Variants in LTBP4 observed in about 807,000 individuals in gnomAD.
LTBP4 encodes latent-transforming growth factor beta-binding protein 4.
A neutral mutation model predicts 180.2 loss-of-function variants in LTBP4; 93 were observed. The ratio of observed to expected loss-of-function variants is 0.52; its 90% CI spans 0.44 to 0.61. LTBP4 has a LOEUF of 0.61. Ranked by LOEUF, LTBP4 falls within the 20% of genes least tolerant of loss-of-function variation. The pLI is 0.00. For synonymous variants in LTBP4, 947 were observed against 934.5 expected (o/e 1.01, Z -0.24); for missense variants, 2,116 against 2,256.5 (o/e 0.94, Z 1.26).
chr19:40,609,891 C>A lies in LTBP4; in HGVS notation c.1684+20C>A. 1 of 1,511,458 alleles carries A rather than the reference C, an allele frequency of 6.6e-7. No homozygotes were observed. Among genetic ancestry groups the A allele is most frequent in the South Asian group, 1.3e-5 (1 of 78,086 alleles). 93.6% of individuals were successfully genotyped at this position (1,511,458 alleles called of 1,614,324 possible). A position where few individuals can be genotyped will look rare whatever the true frequency, so the allele number is the denominator to read the frequency against. On this transcript the variant is annotated intron_variant, in intron 11 of 29. Coordinates refer to ENST00000396819, the MANE Select transcript of LTBP4 (RefSeq NM_001042545.2). This position sits in a 1 kb window ranked among gnomAD's most constrained non-coding sequence, Gnocchi z 4.9. ...GCCTGGGTGAGAAATTTGCCCCACC[C>A]GGCTCCAGGCCCACCCCAGGGTCTC...
In LTBP4 at chr19:40,609,844, G is replaced by T; in HGVS notation, c.1657G>T (p.Ala553Ser). ...CTGCGTGTGCGGCCCGGGCTTCCGAGCCGGCCCACGGGCTGCGGAATGCCT... is the reference window on the plus strand; with the variant it reads ...CTGCGTGTGCGGCCCGGGCTTCCGATCCGGCCCACGGGCTGCGGAATGCCT... Reference protein sequence around the residue: ...FRCVCGPGFRAGPRAAECLDV... With the variant: ...FRCVCGPGFRSGPRAAECLDV... Residue 553 changes from alanine to serine, a missense_variant, in exon 11 of 30, where the codon GCC becomes TCC. Coordinates refer to ENST00000396819, the MANE Select transcript of LTBP4 (RefSeq NM_001042545.2). The surrounding 1 kb of genome is among the most constrained non-coding windows in gnomAD (Gnocchi z 4.9). 6.3e-7 allele frequency: 1 copy of T among 1,596,370 alleles called. No homozygotes were observed.
At chr19:40,599,087 C>T (rs142974711), upstream of LTBP4, 13 of 942,102 alleles carry the variant, frequency 1.4e-5, no homozygotes, top group Non-Finnish European at 1.7e-5. Context: ...AGTCATATAC[C>T]TGTTTCAAGC....
At position 40,601,474 on chromosome 19, in the gene LTBP4, A is replaced by G. The variant is rs1186148066; in HGVS notation, c.87A>G (p.Gly29=). 4.2e-5 allele frequency: 63 copies of G among 1,492,566 alleles called. No homozygotes were observed. The highest frequency in any genetic ancestry group is 5.5e-5 in the Non-Finnish European group (62 of 1,127,726). 92.5% of individuals were successfully genotyped at this position (1,492,566 alleles called of 1,614,324 possible). A position where few individuals can be genotyped will look rare whatever the true frequency, so the allele number is the denominator to read the frequency against. ...CGCAGCCTGGACTGGGCCGGCTCGG[A>G]GAGCGTCTCCGCGTGCGCTTCACCC... The part of the protein sequence containing the change: ...LGPQPGLGRL[G]ERLRVRFTPV... The change falls in exon 1 of 30, where the codon GGA becomes GGG. Residue 29 remains glycine (G), a synonymous_variant. Coordinates refer to ENST00000396819, the MANE Select transcript of LTBP4 (RefSeq NM_001042545.2).
chr19:40,623,794 C>A, intron 25 of LTBP4, 62 bp downstream of exon 25: 1 of 1,604,512 alleles, frequency 6.2e-7, no homozygotes, highest in Non-Finnish European at 8.5e-7. Flanking sequence ...TTGCCAGCTC[C>A]CCTCTGGAAT....
At position 40,606,524 on chromosome 19, in the gene LTBP4, T is replaced by C. The variant is rs1454002982; in HGVS notation, c.989T>C (p.Ile330Thr). ...CTCGACTCGTCCCGCAGCAGCTGCA[T>C]CTGTGAGCAACCAGCAGGGAGCTGA... The part of the protein sequence containing the change: ...FLLDSSRSSC[I>T]SQHVISEAKG... Residue 330 changes from isoleucine (I) to threonine (T), a missense_variant and splice_region_variant, in exon 6 of 30, where the codon ATC becomes ACC. This residue lies in a region of LTBP4 where 469 missense variants were observed against 532.5 expected (regional missense o/e 0.88). Coordinates refer to ENST00000396819, the MANE Select transcript of LTBP4 (RefSeq NM_001042545.2). 6.4e-7 allele frequency: 1 copy of C among 1,564,318 alleles called. No homozygotes were observed.
intron 22 of LTBP4, among the ~76,000 whole-genome samples, chr19:40,620,759 C>A (rs1469042382): frequency 9.6e-6 from 1 of 103,758 alleles, no homozygotes. Flanking sequence ...GAGAGGAAGA[C>A]TCCGTCCCAA....
rs897376392 is a variant in LTBP4, at chr19:40,627,843, G to A, written c.4505G>A (p.Arg1502His). The change falls in exon 29 of 30, where the codon CGC becomes CAC. Residue 1502 changes from arginine to histidine, a missense_variant. Physicochemically the swap from Arg to His is conservative, Grantham distance 29. This residue lies in a region of LTBP4 where 488 missense variants were observed against 458.8 expected (regional missense o/e 1.06). Coordinates refer to ENST00000396819, the MANE Select transcript of LTBP4 (RefSeq NM_001042545.2). ...CFDGYRLDMT[R>H]MACVDINECD... ...GACGGCTACCGCCTGGACATGACCC[G>A]CATGGCCTGCGTTGGTGAGGGCGGG... The A allele has an allele frequency of 6.4e-7, 1 of 1,566,162 alleles. No individual in the cohort carries two copies. The highest frequency in any genetic ancestry group is 8.6e-7 in the Non-Finnish European group (1 of 1,162,346).
intron 6 of LTBP4, 148 bp downstream of exon 6, chr19:40,606,674 T>C: frequency 1.0e-6 from 1 of 976,132 alleles, no homozygotes; most frequent in Non-Finnish European, 1.5e-6. Context: ...ACTTCTCAGA[T>C]TCTTATACAG....
At chr19:40,615,881 G>T (rs899754116) in intron 19 of LTBP4, among the ~76,000 whole-genome samples, 4 of 152,180 alleles carry the variant, frequency 2.6e-5, no homozygotes, top group African/African-American at 7.2e-5. Flanking sequence ...CTAGAGAGGC[G>T]ACAGTTGGCA....
At chr19:40,602,517 C>G (rs1267626672) in intron 1 of LTBP4, among the ~76,000 whole-genome samples, 1 of 152,136 alleles carries the variant, frequency 6.6e-6, no homozygotes, top group African/African-American at 2.4e-5. Context: ...CAGCCCAGCC[C>G]GGCCGGCGTG....
intron 19 of LTBP4, 83 bp from the exon 20 acceptor site, chr19:40,616,806 C>A: frequency 6.7e-7 from 1 of 1,497,148 alleles, no homozygotes; most frequent in Non-Finnish European, 9.1e-7. Context: ...CTAAAGACTT[C>A]TTAGTCTTGG....
At chr19:40,597,343 G>A (rs1471753257), upstream of LTBP4, 1 of 1,523,586 alleles carries the variant, frequency 6.6e-7, no homozygotes, top group Non-Finnish European at 8.8e-7. Context: ...CCCCAGCCAG[G>A]TCGTCGAGGT....
At chr19:40,610,023 C>T (rs1044712438) in intron 11 of LTBP4, 152 bp downstream of exon 11, 4 of 1,065,752 alleles carry the variant, frequency 3.8e-6, no homozygotes, top group Non-Finnish European at 3.9e-6. Context: ...TTCCCTGACC[C>T]GCCTCCACCC....
chr19:40,629,547 C>G lies in LTBP4; in HGVS notation c.4671C>G (p.Ala1557=). ...ACTGTGCGCCCGCACGGCCCCGGGC[C>G]TGAGCCCTGGCACCCGCTGGCCGCC... ...PHHCAPARPR[A] Residue 1557 remains alanine (A), a synonymous_variant, in exon 30 of 30, where the codon GCC becomes GCG. Transcript: ENST00000396819. This position sits in a 1 kb window ranked among gnomAD's most constrained non-coding sequence, Gnocchi z 4.5. 1 of 1,468,218 alleles carries G rather than the reference C, an allele frequency of 6.8e-7. No individual in the cohort carries two copies. Among genetic ancestry groups the G allele is most frequent in the Non-Finnish European group, 9.0e-7 (1 of 1,112,404 alleles). 90.9% of individuals were successfully genotyped at this position (1,468,218 alleles called of 1,614,324 possible).
intron 25 of LTBP4, 42 bp downstream of exon 25, chr19:40,623,774 A>G: frequency 1.9e-6 from 3 of 1,608,690 alleles, no homozygotes. Flanking sequence ...ACTCTCTCCA[A>G]CCCCTAGCCT....
rs944801231 is a variant in LTBP4, at chr19:40,629,100, C to T, written c.4520-296C>T. Among the ~76,000 whole-genome samples the T allele has an allele frequency of 6.6e-6, 1 of 152,176 alleles. No individual in the cohort carries two copies. The highest frequency in any genetic ancestry group is 2.4e-5 in the African/African-American group (1 of 41,456). On this transcript the variant is annotated intron_variant, in intron 29 of 29. Transcript: ENST00000396819. The surrounding 1 kb of genome is among the most constrained non-coding windows in gnomAD (Gnocchi z 4.5). ...CCGGCCTCAAGTGATCCACCCGCCTCAGCCTCCCAAAGTGCTGAGATTACA... is the reference window on the plus strand; with the variant it reads ...CCGGCCTCAAGTGATCCACCCGCCTTAGCCTCCCAAAGTGCTGAGATTACA...
chr19:40,613,940 A>G lies in LTBP4; in HGVS notation c.2582A>G (p.Asp861Gly), dbSNP rs2081527743. The G allele has an allele frequency of 8.1e-6, 13 of 1,612,808 alleles. No individual in the cohort carries two copies. Among genetic ancestry groups the G allele is most frequent in the Non-Finnish European group, 1.1e-5 (13 of 1,179,600 alleles). The change falls in exon 18 of 30, where the codon GAC becomes GGC. Residue 861 changes from aspartate (D) to glycine (G), a missense_variant. Coordinates refer to ENST00000396819, the MANE Select transcript of LTBP4 (RefSeq NM_001042545.2). The surrounding 1 kb of genome is among the most constrained non-coding windows in gnomAD (Gnocchi z 5.0). ...GACGTTGACGAGTGCAGCGAGGAGGACCTTTGCCAGAGCGGCATCTGTACC... is the reference window on the plus strand; with the variant it reads ...GACGTTGACGAGTGCAGCGAGGAGGGCCTTTGCCAGAGCGGCATCTGTACC... ...CLDVDECSEE[D>G]LCQSGICTNT...
chr19:40,601,532 C>T lies in LTBP4; in HGVS notation c.145C>T (p.Pro49Ser). 6.7e-7 allele frequency: 1 copy of T among 1,492,936 alleles called. No individual in the cohort carries two copies. Among genetic ancestry groups the T allele is most frequent in the Non-Finnish European group, 8.9e-7 (1 of 1,128,250 alleles). 92.5% of individuals were successfully genotyped at this position (1,492,936 alleles called of 1,614,324 possible). A position where few individuals can be genotyped will look rare whatever the true frequency, so the allele number is the denominator to read the frequency against. ...VVCGLRCVHG[P>S]TGSRCTPTCA... ...GTGCGGCCTGCGCTGCGTCCATGGGCCGACCGGCTCCCGCTGTACCCCGAC... is the reference window on the plus strand; with the variant it reads ...GTGCGGCCTGCGCTGCGTCCATGGGTCGACCGGCTCCCGCTGTACCCCGAC... The change falls in exon 1 of 30, where the codon CCG becomes TCG. Residue 49 changes from proline to serine, a missense_variant. Around this residue, in one of 5 missense-constraint regions of LTBP4, gnomAD observed 469 missense variants for 532.5 expected, o/e 0.88. Coordinates refer to ENST00000396819, the MANE Select transcript of LTBP4 (RefSeq NM_001042545.2).
intron 26 of LTBP4, 124 bp from the exon 27 acceptor site, chr19:40,625,733 C>A: frequency 1.2e-6 from 1 of 831,466 alleles, no homozygotes; most frequent in Non-Finnish European, 1.8e-6. Flanking sequence ...AGTTAGATCA[C>A]AGCTGATGAG....
Sources: allele counts gnomAD v4.1 joint callset (sites outside exome capture counted in the v4.1 genomes callset), GRCh38; gene constraint gnomAD v4.1.1; regional missense constraint gnomAD v4.1.1; non-coding constraint Gnocchi (gnomAD v3.1); transcripts MANE v1.5; gene names NCBI Gene and HGNC (gene_info 2026-07-23, HGNC 2026-07-21).